The following RAP1GAP2 variants were observed in gnomAD, a reference collection of about 807,000 sequenced individuals.
RAP1GAP2 encodes RAP1 GTPase activating protein 2, also known as rap1 GTPase-activating protein 2.
A neutral mutation model predicts 95.0 loss-of-function variants in RAP1GAP2; 27 were observed. That is an observed-to-expected ratio of 0.28 (90% CI 0.21 to 0.39). RAP1GAP2 has a LOEUF of 0.39. Among genes scored for constraint, RAP1GAP2 ranks in the 10% least tolerant of loss-of-function variants. The pLI is 1.00. For missense variants in RAP1GAP2, 771 were observed against 970.0 expected (o/e 0.79, Z 2.72); for synonymous variants, 373 against 380.9 (o/e 0.98, Z 0.24).
chr17:2,828,369 C>T (rs1362533346), intron 2 of RAP1GAP2, among the ~76,000 whole-genome samples: 1 of 144,902 alleles, frequency 6.9e-6, no homozygotes, highest in African/African-American at 2.6e-5. Flanking sequence ...AAAAATAATA[C>T]TGCGATTTCC....
chr17:2,801,973 A>G (rs2069320439), intron 2 of RAP1GAP2, among the ~76,000 whole-genome samples: 1 of 152,194 alleles, frequency 6.6e-6, no homozygotes, highest in African/African-American at 2.4e-5. Context: ...CCATGAGGCA[A>G]TGAGTACTGG....
chr17:2,914,647 C>T (rs866991643), intron 3 of RAP1GAP2, among the ~76,000 whole-genome samples: 6 of 151,986 alleles, frequency 3.9e-5, no homozygotes, highest in East Asian at 1.9e-4. Context: ...CCCGCCACCA[C>T]GCCCGGCAAA....
At position 3,029,096 on chromosome 17, in the gene RAP1GAP2, C is replaced by G. The variant is rs896117968; in HGVS notation, c.2108-1826C>G. Among the ~76,000 whole-genome samples the G allele has an allele frequency of 3.3e-5, 5 of 152,144 alleles. No individual in the cohort carries two copies. The highest frequency in any genetic ancestry group is 9.7e-5 in the African/African-American group (4 of 41,414). ...TACAGGCGTGAGCCACCGCGCCTGACCTGGTGTTTTTGTTTTGTTTTGTTT... is the reference window on the plus strand; with the variant it reads ...TACAGGCGTGAGCCACCGCGCCTGAGCTGGTGTTTTTGTTTTGTTTTGTTT... On this transcript the variant is annotated intron_variant, in intron 22 of 24. Transcript: ENST00000254695. This position sits in a 1 kb window ranked among gnomAD's most constrained non-coding sequence, Gnocchi z 4.4.
chr17:2,893,595 TG>T (rs1284057165), intron 2 of RAP1GAP2, among the ~76,000 whole-genome samples: 1 of 152,230 alleles, frequency 6.6e-6, no homozygotes, highest in African/African-American at 2.4e-5. Context: ...GTTTACGGGC[TG>T]GGAAAATGCT....
At chr17:2,976,998 G>T (rs1271690780) in intron 8 of RAP1GAP2, among the ~76,000 whole-genome samples, 3 of 151,740 alleles carry the variant, frequency 2.0e-5, no homozygotes, top group Non-Finnish European at 4.4e-5. Flanking sequence ...TTAGTCAGGC[G>T]AGTTGGCGGG....
chr17:2,949,626 T>G (rs985243545), intron 3 of RAP1GAP2, among the ~76,000 whole-genome samples: 2 of 152,046 alleles, frequency 1.3e-5, no homozygotes, highest in South Asian at 2.1e-4. Context: ...GAGCATTAAC[T>G]CAGTGCCTGC....
chr17:2,769,068 A>G (rs925459087), intron 1 of RAP1GAP2, among the ~76,000 whole-genome samples: 3 of 151,580 alleles, frequency 2.0e-5, no homozygotes, highest in African/African-American at 7.3e-5. Context: ...CTCTACAAAA[A>G]ATTTAATAAG....
At chr17:3,015,894 G>T (rs1397695209) in intron 17 of RAP1GAP2, among the ~76,000 whole-genome samples, 1 of 152,140 alleles carries the variant, frequency 6.6e-6, no homozygotes, top group Non-Finnish European at 1.5e-5. Flanking sequence ...TACACATGGG[G>T]TGTGTGAGCC....
intron 2 of RAP1GAP2, among the ~76,000 whole-genome samples, chr17:2,847,250 A>G (rs951624721): frequency 2.6e-5 from 4 of 151,764 alleles, no homozygotes; most frequent in African/African-American, 9.7e-5. Flanking sequence ...CTCGTGATCC[A>G]CCCGCCTCAG....
At chr17:2,899,109 C>T (rs1193591340) in intron 2 of RAP1GAP2, among the ~76,000 whole-genome samples, 1 of 152,148 alleles carries the variant, frequency 6.6e-6, no homozygotes, top group Non-Finnish European at 1.5e-5. Context: ...ACCGTGCTTC[C>T]TAGGTGCATC....
chr17:2,959,143 C>G (rs2044221515), intron 4 of RAP1GAP2, among the ~76,000 whole-genome samples: 1 of 152,144 alleles, frequency 6.6e-6, no homozygotes, highest in Admixed American at 6.5e-5. Flanking sequence ...GCAGCCCACC[C>G]AGCCTTCTCT....
upstream of RAP1GAP2, among the ~76,000 whole-genome samples, chr17:2,776,547 C>T (rs1213458312): frequency 6.6e-6 from 1 of 152,178 alleles, no homozygotes; most frequent in East Asian, 1.9e-4. Flanking sequence ...CCGGTGCCCG[C>T]CCCTCCGCCC....
intron 1 of RAP1GAP2, among the ~76,000 whole-genome samples, chr17:2,768,802 G>A (rs1055290127): frequency 4.6e-5 from 7 of 151,774 alleles, no homozygotes; most frequent in Admixed American, 2.0e-4. Flanking sequence ...CACTGTGCCC[G>A]GCCCAGCTTC....
At position 3,026,353 on chromosome 17, in the gene RAP1GAP2, C is replaced by A. The variant is rs1292510688; in HGVS notation, c.1869C>A (p.Pro623=). The change falls in exon 21 of 25, where the codon CCC becomes CCA. Residue 623 remains proline (P), a synonymous_variant. Coordinates refer to ENST00000254695, the MANE Select transcript of RAP1GAP2 (RefSeq NM_015085.5). ...CCTCACTTCCTATTCCCTGCAGGCC[C>A]TTCATGAAGTTGAAGGAAAACGGCC... The part of the protein sequence containing the change: ...SPEICPNKEK[P]FMKLKENGRA... The A allele has an allele frequency of 1.3e-6, 2 of 1,550,690 alleles. No individual in the cohort carries two copies. The highest frequency in any genetic ancestry group is 1.2e-5 in the South Asian group (1 of 83,992).
chr17:2,777,016 G>A (rs1337672782), upstream of RAP1GAP2: 4 of 152,364 alleles, frequency 2.6e-5, no homozygotes, highest in African/African-American at 9.6e-5. Context: ...TGTGACTGAC[G>A]GGGAATCGGA....
intron 2 of RAP1GAP2, among the ~76,000 whole-genome samples, chr17:2,838,035 T>TTC (rs2071216362): frequency 2.0e-5 from 3 of 147,042 alleles, no homozygotes; most frequent in Non-Finnish European, 4.5e-5. Context: ...TTTTTTTTTT[T>TTC]TGAGACAGAG....
At chr17:2,775,086 C>G (rs944122457), upstream of RAP1GAP2, among the ~76,000 whole-genome samples, 1 of 151,408 alleles carries the variant, frequency 6.6e-6, no homozygotes, top group African/African-American at 2.4e-5. Flanking sequence ...CCCGCCTCAG[C>G]CTCCCAAAGC....
At chr17:2,758,966 TGAGGTCCACCATCGA>T (rs2071198616) in intron 1 of RAP1GAP2, among the ~76,000 whole-genome samples, 1 of 151,846 alleles carries the variant, frequency 6.6e-6, no homozygotes, top group Non-Finnish European at 1.5e-5. Flanking sequence ...GGGCCATAGT[TGAGGTCCACCATCGA>T]GAGCCACCAC....
chr17:2,958,694 T>C (rs2044207815), intron 4 of RAP1GAP2, among the ~76,000 whole-genome samples: 1 of 151,874 alleles, frequency 6.6e-6, no homozygotes, highest in African/African-American at 2.4e-5. Context: ...GTCCAGCCAT[T>C]ATGTCATGAT....
Sources: gnomAD v4.1 joint callset for allele counts (sites outside exome capture counted in the v4.1 genomes callset) on GRCh38, gnomAD v4.1.1 for gene constraint, Gnocchi (gnomAD v3.1) non-coding constraint, MANE v1.5 for transcripts, NCBI Gene and HGNC (gene_info 2026-07-23, HGNC 2026-07-21) for gene names.